The following ANKMY2 variants were observed in gnomAD, a reference collection of about 807,000 sequenced individuals.
ANKMY2 encodes the protein ankyrin repeat and MYND domain-containing protein 2.
In ANKMY2, 36 loss-of-function variants were observed where a neutral mutation model predicts 50.4. The ratio of observed to expected loss-of-function variants is 0.71; its 90% confidence interval spans 0.55 to 0.94. The LOEUF is 0.94. Ranked by LOEUF, ANKMY2 falls within the 40% of genes least tolerant of loss-of-function variation. ANKMY2 has a pLI of 0.00. For synonymous variants in ANKMY2, 187 were observed against 178.8 expected (o/e 1.05, Z -0.36); for missense variants, 565 against 524.0 (o/e 1.08, Z -0.76).
intron 7 of ANKMY2, among the ~76,000 whole-genome samples, chr7:16,609,200 A>G (rs755225797): frequency 1.3e-5 from 2 of 152,168 alleles, no homozygotes; most frequent in African/African-American, 2.4e-5. Context: ...AGGAACCACA[A>G]TGAGCCTTCC....
At chr7:16,620,591 T>TACACACACACACACACACAC (rs58418780) in intron 4 of ANKMY2, among the ~76,000 whole-genome samples, 19 of 145,602 alleles carry the variant, frequency 1.3e-4, no homozygotes, top group African/African-American at 4.9e-4. Flanking sequence ...AATACATGTG[T>TACACACACACACACACACAC]ACACACACAC....
At chr7:16,611,110 T>C (rs1397479412) in intron 5 of ANKMY2, among the ~76,000 whole-genome samples, 2 of 152,216 alleles carry the variant, frequency 1.3e-5, no homozygotes, top group Non-Finnish European at 2.9e-5. Flanking sequence ...ACATTTTACA[T>C]AAAGAATCAA....
intron 4 of ANKMY2, 117 bp from the exon 5 acceptor site, chr7:16,616,021 T>C: frequency 1.0e-6 from 1 of 982,846 alleles, no homozygotes; most frequent in East Asian, 2.6e-5. Flanking sequence ...ATCTTTATTT[T>C]TCAGGAAAGG....
intron 3 of ANKMY2, among the ~76,000 whole-genome samples, chr7:16,625,899 T>C (rs761033014): frequency 6.6e-6 from 1 of 152,080 alleles, no homozygotes; most frequent in Non-Finnish European, 1.5e-5. Context: ...TATATTTTGA[T>C]CAGCCAGTGG....
At chr7:16,622,613 A>G (rs996422542) in intron 4 of ANKMY2, among the ~76,000 whole-genome samples, 3 of 151,994 alleles carry the variant, frequency 2.0e-5, no homozygotes, top group African/African-American at 7.2e-5. Context: ...GGTGGCGCAC[A>G]CCTATAATCC....
chr7:16,600,843 C>A lies in ANKMY2; in HGVS notation c.1244G>T (p.Gly415Val), dbSNP rs769512801. The A allele has an allele frequency of 6.2e-7, 1 of 1,613,502 alleles. No homozygotes were observed. Among genetic ancestry groups the A allele is most frequent in the Admixed American group, 1.7e-5 (1 of 59,932 alleles). ...KDSNPEDSGE[G>V]KKESLESEAE... The stretch of plus-strand genomic sequence containing the variant: ...TTCGCTTTCAAGAGATTCTTTCTTT[C>A]CTTCCCCGGAATCTTCAGGATTGGA... The change falls in exon 10 of 10, where the codon GGA (glycine) becomes GTA (valine). Residue 415 changes from glycine to valine, a missense_variant. Transcript: ENST00000306999.
intron 4 of ANKMY2, among the ~76,000 whole-genome samples, chr7:16,619,331 T>C (rs547941739): frequency 6.7e-4 from 102 of 152,128 alleles, no homozygotes; most frequent in Non-Finnish European, 1.2e-3. Context: ...TTTTGTATTT[T>C]TTAGTAGAGG....
chr7:16,645,416 C>G, intron 1 of ANKMY2, 91 bp downstream of exon 1: 1 of 1,313,044 alleles, frequency 7.6e-7, no homozygotes. Context: ...GAACCGCAGC[C>G]AAAGGTCACC....
chr7:16,643,459 G>A (rs1185694404), intron 1 of ANKMY2, among the ~76,000 whole-genome samples: 1 of 152,124 alleles, frequency 6.6e-6, no homozygotes. Context: ...TGACAAGAAT[G>A]CATCACATAC....
At position 16,610,672 on chromosome 7, in the gene ANKMY2, C is replaced by T; in HGVS notation, c.623G>A (p.Cys208Tyr). ...YRVMDLICEK[C>Y]MKQRDMNEVL... ...TTCATTCATGTCTCTTTGCTTCATACATTTCTCACAAATCAAATCCATCAC... is the reference window on the plus strand; with the variant it reads ...TTCATTCATGTCTCTTTGCTTCATATATTTCTCACAAATCAAATCCATCAC... Residue 208 changes from cysteine (C) to tyrosine (Y), a missense_variant, in exon 6 of 10, where the codon TGT becomes TAT. Coordinates refer to ENST00000306999, the MANE Select transcript of ANKMY2 (RefSeq NM_020319.3). The T allele has an allele frequency of 3.1e-6, 5 of 1,613,994 alleles. No individual in the cohort carries two copies. Among genetic ancestry groups the T allele is most frequent in the Non-Finnish European group, 4.2e-6 (5 of 1,179,954 alleles).
chr7:16,620,251 A>C lies in ANKMY2; in HGVS notation c.371-4347T>G, dbSNP rs1212052777. ...AGTTCATATGAGTGGGTGAAGATAG[A>C]TGACAGGCAAATCACACAGCTGGTG... On this transcript the variant is annotated intron_variant, in intron 4 of 9. Transcript: ENST00000306999. 2.6e-5 allele frequency among the ~76,000 whole-genome samples: 4 copies of C among 152,168 alleles called. No individual in the cohort carries two copies. In the East Asian group the frequency reaches 7.7e-4, roughly 29 times the overall value.
intron 1 of ANKMY2, among the ~76,000 whole-genome samples, chr7:16,638,250 C>G (rs1781695963): frequency 6.6e-6 from 1 of 152,198 alleles, no homozygotes; most frequent in Non-Finnish European, 1.5e-5. Flanking sequence ...GTCAAGGGCT[C>G]AGTCCACAAG....
chr7:16,633,412 A>G (rs1781614521), intron 2 of ANKMY2, among the ~76,000 whole-genome samples: 1 of 152,068 alleles, frequency 6.6e-6, no homozygotes, highest in Non-Finnish European at 1.5e-5. Flanking sequence ...TTAAAAGTGC[A>G]ATGATAAACA....
intron 1 of ANKMY2, among the ~76,000 whole-genome samples, chr7:16,639,535 G>T (rs535819564): frequency 2.1e-4 from 32 of 152,300 alleles, no homozygotes; most frequent in African/African-American, 5.5e-4. Context: ...TTATCTGGAT[G>T]AACAAGCATT....
intron 1 of ANKMY2, among the ~76,000 whole-genome samples, chr7:16,643,660 G>A (rs934396516): frequency 2.0e-5 from 3 of 151,864 alleles, no homozygotes. Context: ...ATGTATCCAA[G>A]GAATCCCTTC....
chr7:16,615,262 TTACCAGGCCTGTA>T (rs985265886), intron 5 of ANKMY2, among the ~76,000 whole-genome samples: 1 of 152,224 alleles, frequency 6.6e-6, no homozygotes, highest in African/African-American at 2.4e-5. Flanking sequence ...TACATCCTTT[TTACCAGGCCTGTA>T]TACCAGGCCC....
intron 3 of ANKMY2, among the ~76,000 whole-genome samples, chr7:16,626,794 A>C (rs1431029799): frequency 6.6e-6 from 1 of 152,214 alleles, no homozygotes; most frequent in East Asian, 1.9e-4. Flanking sequence ...CCAGTTCCTC[A>C]ATTCCATCAA....
chr7:16,634,600 G>A (rs1781631344), intron 2 of ANKMY2, among the ~76,000 whole-genome samples: 1 of 152,134 alleles, frequency 6.6e-6, no homozygotes, highest in Non-Finnish European at 1.5e-5. Flanking sequence ...ACGCGTATGT[G>A]GAAACTACCC....
intron 2 of ANKMY2, among the ~76,000 whole-genome samples, chr7:16,634,076 G>A (rs1292280343): frequency 6.6e-6 from 1 of 152,082 alleles, no homozygotes; most frequent in East Asian, 1.9e-4. Flanking sequence ...TTTCCCTTCT[G>A]CATGAGAAAT....
Sources: allele counts gnomAD v4.1 joint callset (sites outside exome capture counted in the v4.1 genomes callset), GRCh38; gene constraint gnomAD v4.1.1; transcripts MANE v1.5; gene names NCBI Gene and HGNC (gene_info 2026-07-23, HGNC 2026-07-21).